The following TXNIP variants were observed in gnomAD, a reference collection of about 807,000 sequenced individuals.
The protein encoded by TXNIP is thioredoxin-interacting protein.
A neutral mutation model predicts 43.9 loss-of-function variants in TXNIP; 23 were observed. The ratio of observed to expected loss-of-function variants is 0.52; its 90% CI spans 0.38 to 0.74. The LOEUF is 0.74. TXNIP is among the 30% of genes least tolerant of loss of function. The pLI, the probability that TXNIP is intolerant of heterozygous loss-of-function variation, is 0.00. For missense variants in TXNIP, 555 were observed against 485.4 expected (o/e 1.14, Z -1.35); for synonymous variants, 234 against 172.2 (o/e 1.36, Z -2.81).
At chr1:145,995,945 G>A (rs954273645) in intron 1 of TXNIP, 72 bp downstream of exon 1, 87 of 1,551,690 alleles carry the variant, frequency 5.6e-5, no homozygotes, top group Non-Finnish European at 6.8e-5. Context: ...AAAACATTTC[G>A]TACAGGTTTT....
In TXNIP at chr1:145,995,481, A is replaced by C; in HGVS notation, c.251-5T>G. 1 of 1,614,086 alleles carries C rather than the reference A, an allele frequency of 6.2e-7. No homozygotes were observed. The highest frequency in any genetic ancestry group is 8.5e-7 in the Non-Finnish European group (1 of 1,179,938). On this transcript the variant is annotated splice_polypyrimidine_tract_variant and splice_region_variant and intron_variant, in intron 1 of 7. Transcript: ENST00000582401. ...TGATCACCATCTCATTCTCACCTGA[A>C]GGGAAAGAAAATCGAGTAGCCATTA...
rs782815902 is a variant in TXNIP, at chr1:145,995,247, T to C, written c.368A>G (p.Tyr123Cys). ...GCGGTCAAGAAAAGCCTTCACCCAGTAGTCTACACACCCATATTTTCCTTT... is the reference window on the plus strand; with the variant it reads ...GCGGTCAAGAAAAGCCTTCACCCAGCAGTCTACACACCCATATTTTCCTTT... The part of the protein sequence containing the change: ...SFKGKYGCVD[Y>C]WVKAFLDRPS... Residue 123 changes from tyrosine to cysteine, a missense_variant, in exon 3 of 8, where the codon TAC (tyrosine) becomes TGC (cysteine). Physicochemically the swap from Tyr to Cys is radical, Grantham distance 194. Transcript: ENST00000582401. 2.5e-6 allele frequency: 4 copies of C among 1,613,984 alleles called. No individual in the cohort carries two copies. In the Admixed American group the frequency reaches 5.0e-5, roughly 20 times the overall value.
intron 6 of TXNIP, 40 bp downstream of exon 6, chr1:145,994,241 G>C (rs1651340476): frequency 6.2e-7 from 1 of 1,613,124 alleles, no homozygotes; most frequent in South Asian, 1.1e-5. Flanking sequence ...ACAAACCCAG[G>C]TAGACCAGAA....
rs1286782430 is a variant in TXNIP at position 145,993,200 on chromosome 1, G to A, written c.*651C>T. On this transcript the variant is annotated 3_prime_UTR_variant, in exon 8 of 8. Transcript: ENST00000582401. ...GACCTTTGGTGGGGCAGTTACTACT[G>A]CTTTAAAAGCCAGGTTAAAGTATAC... is the stretch of plus-strand genomic sequence containing the variant. 6.7e-6 allele frequency: 1 copy of A among 148,924 alleles called. No individual in the cohort carries two copies. The allele number at this position is 148,924 out of a possible 1,614,324, so 9.2% of individuals were successfully genotyped here.
In TXNIP at chr1:145,994,396, G is replaced by A. The variant is rs368295042; in HGVS notation, c.873C>T (p.Asp291=). The A allele has an allele frequency of 3.7e-6, 6 of 1,614,122 alleles. No individual in the cohort carries two copies. Among genetic ancestry groups the A allele is most frequent in the Non-Finnish European group, 4.2e-6 (5 of 1,179,990 alleles). The change falls in exon 6 of 8, where the codon GAC becomes GAT. Residue 291 remains aspartate (D), a synonymous_variant. Coordinates refer to ENST00000582401, the MANE Select transcript of TXNIP (RefSeq NM_006472.6). ...ATCTGCTGCCAATTACCAGGGGCAGGTCAAGGATGACCTTCTTGGATCCAG... is the reference window on the plus strand; with the variant it reads ...ATCTGCTGCCAATTACCAGGGGCAGATCAAGGATGACCTTCTTGGATCCAG... The part of the protein sequence containing the change: ...SVPGSKKVIL[D]LPLVIGSRSG...
In TXNIP at chr1:145,993,843, C is replaced by T; in HGVS notation, c.*8G>A. On this transcript the variant is annotated 3_prime_UTR_variant, in exon 8 of 8. Transcript: ENST00000582401. ...AGTAGGTAAAGCTGCTTCTTTTCTTCCACATGCTCACTGCACATTGTTGTT... is the reference window on the plus strand; with the variant it reads ...AGTAGGTAAAGCTGCTTCTTTTCTTTCACATGCTCACTGCACATTGTTGTT... The T allele has an allele frequency of 1.2e-6, 2 of 1,614,092 alleles. No individual in the cohort carries two copies. Among genetic ancestry groups the T allele is most frequent in the South Asian group, 2.2e-5 (2 of 91,064 alleles).
At chr1:145,994,879 G>A (rs781928594) in intron 4 of TXNIP, 50 bp downstream of exon 4, 1 of 1,613,690 alleles carries the variant, frequency 6.2e-7, no homozygotes, top group Non-Finnish European at 8.5e-7. Context: ...CCATGCCCTT[G>A]CCCCTAAACC....
chr1:145,995,406 CT>C lies in TXNIP; in HGVS notation c.320del (p.Gln107ArgfsTer15). The part of the protein sequence containing the change: ...YEYKFGFELP[Q>X]GPLGTSFKGK... ...AGATGCATTTAGCTGATATTTACCC[CT>C]GAGGAAGCTCAAAGCCGAACTTGTA... On this transcript the variant is annotated frameshift_variant, in exon 2 of 8. Coordinates refer to ENST00000582401, the MANE Select transcript of TXNIP (RefSeq NM_006472.6). LOFTEE classifies it high-confidence loss of function. 1 of 1,613,712 alleles carries C rather than the reference CT, an allele frequency of 6.2e-7. No individual in the cohort carries two copies. Among genetic ancestry groups the C allele is most frequent in the Non-Finnish European group, 8.5e-7 (1 of 1,179,748 alleles).
At chr1:145,995,344 C>G in intron 2 of TXNIP, 53 bp from the exon 3 acceptor site, 1 of 1,610,032 alleles carries the variant, frequency 6.2e-7, no homozygotes, top group South Asian at 1.1e-5. Flanking sequence ...AGTAAGTGAT[C>G]AAAGGAGGGC....
intron 1 of TXNIP, chr1:145,995,761 C>CAT (rs1651484818): frequency 3.3e-6 from 2 of 611,582 alleles, no homozygotes; most frequent in Admixed American, 6.1e-5. Context: ...CTTATGCACA[C>CAT]ATAAGACTTT....
chr1:145,993,226 T>C lies in TXNIP; in HGVS notation c.*625A>G, dbSNP rs1293355589. ...CTTTAAAAGCCAGGTTAAAGTATAC[T>C]CTAAGCAAAGATGACCGTAGAGCAG... is the stretch of plus-strand genomic sequence containing the variant. On this transcript the variant is annotated 3_prime_UTR_variant, in exon 8 of 8. Transcript: ENST00000582401. The C allele has an allele frequency of 7.2e-6, 1 of 139,648 alleles. No individual in the cohort carries two copies. Among genetic ancestry groups the C allele is most frequent in the African/African-American group, 3.4e-5 (1 of 29,780 alleles). 8.7% of individuals were successfully genotyped at this position (139,648 alleles called of 1,614,324 possible).
rs373073363 is a variant in TXNIP, at chr1:145,996,294, A to G, written c.-28T>C. The G allele has an allele frequency of 1.2e-4, 196 of 1,584,700 alleles. No homozygotes were observed. The highest frequency in any genetic ancestry group is 3.3e-4 in the Admixed American group (18 of 54,120). On this transcript the variant is annotated 5_prime_UTR_variant, in exon 1 of 8. Coordinates refer to ENST00000582401, the MANE Select transcript of TXNIP (RefSeq NM_006472.6). ...TGGAACTGAGTTGGTTTTAAGAGTT[A>G]GAAATGACGGTGGAAGAAAAAAAAA...
In TXNIP at chr1:145,994,660, C is replaced by T; in HGVS notation, c.715G>A (p.Gly239Ser). ...CATGTCCCTGAGATAATATGATTGC[C>T]TCTGACTGATGACAACTTCTGAGTC... ...VLTQKLSSVR[G>S]NHIISGTCAS... Residue 239 changes from glycine to serine, a missense_variant, in exon 5 of 8, where the codon GGC becomes AGC. Transcript: ENST00000582401. 6.2e-7 allele frequency: 1 copy of T among 1,614,234 alleles called. No individual in the cohort carries two copies. The highest frequency in any genetic ancestry group is 8.5e-7 in the Non-Finnish European group (1 of 1,180,054).
At position 145,994,783 on chromosome 1, in the gene TXNIP, G is replaced by A. The variant is rs782253445; in HGVS notation, c.592C>T (p.His198Tyr). The change falls in exon 5 of 8, where the codon CAT becomes TAT. Residue 198 changes from histidine (H) to tyrosine (Y), a missense_variant. Transcript: ENST00000582401. ...GAACATGTATTCTCAAAGTCAGCAT[G>A]GATGGAAATCTCATCACCTAGCAAT... ...GFCEGDEISI[H>Y]ADFENTCSRI... is the part of the protein sequence containing the mutation. The A allele has an allele frequency of 6.8e-6, 11 of 1,614,074 alleles. No individual in the cohort carries two copies. The highest frequency in any genetic ancestry group is 6.8e-6 in the Non-Finnish European group (8 of 1,180,038).
intron 6 of TXNIP, 45 bp from the exon 7 acceptor site, chr1:145,994,212 G>A (rs782220372): frequency 6.8e-6 from 11 of 1,612,750 alleles, no homozygotes; most frequent in African/African-American, 5.3e-5. Flanking sequence ...CCCAAGAAAT[G>A]CTGGACCATC....
intron 1 of TXNIP, 164 bp downstream of exon 1, chr1:145,995,853 G>T: frequency 2.3e-6 from 2 of 867,288 alleles, no homozygotes; most frequent in East Asian, 2.6e-5. Flanking sequence ...TTTTTTTTGG[G>T]GGGGGAGGAG....
Position 145,993,792 on chromosome 1 carries a change from T to C in TXNIP, c.*59A>G. ...TGTTGAGTCTCTGAAAAAGTGAGTG[T>C]CCAGGAAGAGAGACAAAAAGAAACA... On this transcript the variant is annotated 3_prime_UTR_variant, in exon 8 of 8. Coordinates refer to ENST00000582401, the MANE Select transcript of TXNIP (RefSeq NM_006472.6). 1.2e-6 allele frequency: 2 copies of C among 1,601,648 alleles called. No individual in the cohort carries two copies. The highest frequency in any genetic ancestry group is 2.2e-5 in the East Asian group (1 of 44,804).
In TXNIP at chr1:145,995,039, G is replaced by A. The variant is rs201495602; in HGVS notation, c.472-8C>T. The A allele has an allele frequency of 5.0e-6, 8 of 1,613,902 alleles. No individual in the cohort carries two copies. Among genetic ancestry groups the A allele is most frequent in the Admixed American group, 1.7e-5 (1 of 59,978 alleles). ...TTTAGCAGACACAGGTGCCTATATA[G>A]AAGGGGATAAAAAGGTGTTTTGAGA... On this transcript the variant is annotated splice_region_variant and splice_polypyrimidine_tract_variant and intron_variant, in intron 3 of 7. Transcript: ENST00000582401.
chr1:145,994,042 A>C lies in TXNIP; in HGVS notation c.1114T>G (p.Phe372Val), dbSNP rs1422263755. Residue 372 changes from phenylalanine (F) to valine (V), a missense_variant, in exon 7 of 8, where the codon TTC becomes GTC. Coordinates refer to ENST00000582401, the MANE Select transcript of TXNIP (RefSeq NM_006472.6). ...TCAGTATAAGTCGGTGGTGGCATGAACTTGAACTCAGGGGCATACATAAAG... is the reference window on the plus strand; with the variant it reads ...TCAGTATAAGTCGGTGGTGGCATGACCTTGAACTCAGGGGCATACATAAAG... ...PIFMYAPEFK[F>V]MPPPTYTEVD... 1 of 1,614,178 alleles carries C rather than the reference A, an allele frequency of 6.2e-7. No homozygotes were observed. Among genetic ancestry groups the C allele is most frequent in the South Asian group, 1.1e-5 (1 of 91,088 alleles).
Sources: gnomAD v4.1 joint callset for allele counts on GRCh38, gnomAD v4.1.1 for gene constraint, MANE v1.5 for transcripts, NCBI Gene and HGNC (gene_info 2026-07-23, HGNC 2026-07-21) for gene names.